The following CZIB variants were observed in gnomAD, a reference collection of about 807,000 sequenced individuals.
CZIB encodes CXXC motif containing zinc binding protein, also known as UPF0587 protein C1orf123.
In CZIB, 26 loss-of-function variants were observed where a neutral mutation model predicts 28.3. That is an observed-to-expected ratio of 0.92 (90% CI 0.67 to 1.27). CZIB has a LOEUF of 1.27. Ranked by LOEUF, CZIB falls within the 50% of genes most tolerant of loss-of-function variation. The pLI, the probability that CZIB is intolerant of heterozygous loss-of-function variation, is 0.00. For missense variants in CZIB, 179 were observed against 197.3 expected (o/e 0.91, Z 0.56); for synonymous variants, 78 against 71.1 (o/e 1.10, Z -0.49).
Position 53,218,387 on chromosome 1 carries a change from G to A in CZIB, c.229+27C>T, listed in dbSNP as rs756188383. The A allele has an allele frequency of 6.2e-6, 10 of 1,613,124 alleles. No homozygotes were observed. The African/African-American group carries it at 1.2e-4, about 19-fold the overall frequency. ...CAGGAAGCTGTGGGCCACCCTGGCA[G>A]AACTCAGTACGCACAGCCTGACCTA... On this transcript the variant is annotated intron_variant, in intron 4 of 7. Coordinates refer to ENST00000294360, the MANE Select transcript of CZIB (RefSeq NM_017887.3).
chr1:53,220,202 C>T (rs540657683), intron 2 of CZIB, 59 bp downstream of exon 2: 9 of 1,441,458 alleles, frequency 6.2e-6, no homozygotes, highest in Admixed American at 5.7e-5. Context: ...AGAGAAGGCT[C>T]CGGTTCAGCA....
intron 5 of CZIB, chr1:53,217,178 C>T (rs1268337084): frequency 3.3e-5 from 9 of 276,672 alleles, no homozygotes; most frequent in South Asian, 5.9e-5. Flanking sequence ...GAAACCTCTA[C>T]AATTTTACTG....
At chr1:53,220,396 G>T in intron 1 of CZIB, 52 bp from the exon 2 acceptor site, 1 of 1,594,996 alleles carries the variant, frequency 6.3e-7, no homozygotes, top group South Asian at 1.1e-5. Context: ...GCAGCCCCAC[G>T]CCTGCCCGAC....
At chr1:53,219,185 C>A in intron 2 of CZIB, 2 of 457,524 alleles carry the variant, frequency 4.4e-6, no homozygotes, top group Non-Finnish European at 7.7e-6. Flanking sequence ...ACCTGTGGTG[C>A]AGAAATGGTT....
intron 1 of CZIB, 65 bp from the exon 2 acceptor site, chr1:53,220,409 T>C (rs528479201): frequency 1.9e-6 from 3 of 1,585,824 alleles, no homozygotes; most frequent in Non-Finnish European, 1.7e-6. Flanking sequence ...TGCCCGACCC[T>C]CCCGCATTCC....
At chr1:53,218,817 T>G (rs1340298824) in intron 3 of CZIB, 50 bp downstream of exon 3, 9 of 1,507,834 alleles carry the variant, frequency 6.0e-6, no homozygotes, top group South Asian at 3.4e-5. Flanking sequence ...CCCAGAAGTG[T>G]ATGTGTGTTT....
chr1:53,217,805 A>G (rs1645483326), intron 5 of CZIB: 1 of 238,968 alleles, frequency 4.2e-6, no homozygotes, highest in Non-Finnish European at 8.2e-6. Flanking sequence ...CTAACTTGTT[A>G]ACACTGATGA....
chr1:53,218,326 C>T, intron 4 of CZIB, 88 bp downstream of exon 4: 5 of 1,579,908 alleles, frequency 3.2e-6, no homozygotes, highest in Non-Finnish European at 4.4e-6. Context: ...CCTGACTCCA[C>T]CCTCAGGTAA....
chr1:53,216,129 G>C (rs1645471531), intron 6 of CZIB, 73 bp from the exon 7 acceptor site: 1 of 1,419,410 alleles, frequency 7.0e-7, no homozygotes, highest in African/African-American at 1.4e-5. Context: ...GGCCGGCCAG[G>C]CTGCTGGCTC....
At chr1:53,217,850 C>T in intron 5 of CZIB, 1 of 342,902 alleles carries the variant, frequency 2.9e-6, no homozygotes, top group Non-Finnish European at 5.3e-6. Context: ...GACTACCCCA[C>T]CCATGGTTTC....
At chr1:53,214,887 GA>G (rs1645460057) in intron 7 of CZIB, 151 bp from the exon 8 acceptor site, 1 of 571,306 alleles carries the variant, frequency 1.8e-6, no homozygotes, top group African/African-American at 1.9e-5. Context: ...GCTCAGGCCT[GA>G]ATTCTAGCTC....
Position 53,220,248 on chromosome 1 carries a change from G to A in CZIB, c.90+13C>T. The A allele has an allele frequency of 6.2e-7, 1 of 1,611,182 alleles. No homozygotes were observed. Among genetic ancestry groups the A allele is most frequent in the South Asian group, 1.1e-5 (1 of 91,010 alleles). On this transcript the variant is annotated intron_variant, in intron 2 of 7. Transcript: ENST00000294360. ...GACGGGCCTCCTCTCCCCGGGCCCC[G>A]CCCCGGCCGCACCTTCAGGTACCAC... is the stretch of plus-strand genomic sequence containing the variant.
At chr1:53,216,162 G>A (rs1190379454) in intron 6 of CZIB, 106 bp from the exon 7 acceptor site, 11 of 1,027,930 alleles carry the variant, frequency 1.1e-5, no homozygotes, top group South Asian at 5.2e-5. Context: ...TGGGATGGAG[G>A]ACAGAGATGC....
rs762965134 is a variant in CZIB, at chr1:53,218,438, G to C, written c.205C>G (p.Leu69Val). 5.6e-6 allele frequency: 9 copies of C among 1,614,200 alleles called. No individual in the cohort carries two copies. The highest frequency in any genetic ancestry group is 7.6e-6 in the Non-Finnish European group (9 of 1,180,034). ...GSASMVQKCK[L>V]CARENSIEIL... Reference sequence around the variant, plus strand: ...CCGATGGAATTTTCTCTTGCACACAGCTTGCACTTCTGGACCATGGAAGCA... The same window carrying C: ...CCGATGGAATTTTCTCTTGCACACACCTTGCACTTCTGGACCATGGAAGCA... Residue 69 changes from leucine (L) to valine (V), a missense_variant, in exon 4 of 8, where the codon CTG becomes GTG. Coordinates refer to ENST00000294360, the MANE Select transcript of CZIB (RefSeq NM_017887.3).
At chr1:53,220,398 C>G in intron 1 of CZIB, 54 bp from the exon 2 acceptor site, 5 of 1,593,906 alleles carry the variant, frequency 3.1e-6, no homozygotes, top group African/African-American at 1.3e-5. Flanking sequence ...AGCCCCACGC[C>G]TGCCCGACCC....
chr1:53,217,844 AC>A (rs150777338), intron 5 of CZIB: 190 of 333,732 alleles, frequency 5.7e-4, no homozygotes, highest in African/African-American at 3.6e-3. Context: ...CCAAACGACT[AC>A]CCCACCCATG....
Position 53,220,252 on chromosome 1 carries a change from C to T in CZIB, c.90+9G>A. 1 of 1,612,084 alleles carries T rather than the reference C, an allele frequency of 6.2e-7. No homozygotes were observed. The highest frequency in any genetic ancestry group is 8.5e-7 in the Non-Finnish European group (1 of 1,179,258). ...GGCCTCCTCTCCCCGGGCCCCGCCCCGGCCGCACCTTCAGGTACCACCGGA... is the reference window on the plus strand; with the variant it reads ...GGCCTCCTCTCCCCGGGCCCCGCCCTGGCCGCACCTTCAGGTACCACCGGA... On this transcript the variant is annotated intron_variant, in intron 2 of 7. Transcript: ENST00000294360.
rs773175591 is a variant in CZIB at position 53,220,590 on chromosome 1, C to T, written c.-15G>A. On this transcript the variant is annotated 5_prime_UTR_variant, in exon 1 of 8. Coordinates refer to ENST00000294360, the MANE Select transcript of CZIB (RefSeq NM_017887.3). Reference sequence around the variant, plus strand: ...CTCACCCCCATGGTAGCCCTCTCCGCCCGGTGCTGGCTGCGGCCCTTGCCG... The same window carrying T: ...CTCACCCCCATGGTAGCCCTCTCCGTCCGGTGCTGGCTGCGGCCCTTGCCG... 8.8e-6 allele frequency: 14 copies of T among 1,597,426 alleles called. No homozygotes were observed. Among genetic ancestry groups the T allele is most frequent in the Non-Finnish European group, 1.2e-5 (14 of 1,179,042 alleles).
chr1:53,215,895 T>C (rs1645468750), intron 7 of CZIB, 96 bp downstream of exon 7: 1 of 1,283,356 alleles, frequency 7.8e-7, no homozygotes, highest in Non-Finnish European at 1.1e-6. Context: ...AGCACAAAAA[T>C]ACAGAGTTGG....
Sources: gnomAD v4.1 joint callset for allele counts on GRCh38, gnomAD v4.1.1 for gene constraint, MANE v1.5 for transcripts, NCBI Gene and HGNC (gene_info 2026-07-23, HGNC 2026-07-21) for gene names.